DMKN: variants seen among roughly 807,000 people sequenced by gnomAD.
DMKN encodes the protein epidermis-specific secreted protein SK30/SK89.
In DMKN, 58 loss-of-function variants were observed where a neutral mutation model predicts 67.6. That is an observed-to-expected ratio of 0.86 (90% CI 0.69 to 1.07). DMKN has a LOEUF of 1.07. Among genes scored for constraint, DMKN ranks in the 50% least tolerant of loss-of-function variants. DMKN has a pLI of 0.00. For synonymous variants in DMKN, 240 were observed against 232.3 expected (o/e 1.03, Z -0.30); for missense variants, 596 against 601.5 (o/e 0.99, Z 0.10).
At position 35,509,787 on chromosome 19, in the gene DMKN, C is replaced by A. The variant is rs574186843; in HGVS notation, c.1038+124G>T. On this transcript the variant is annotated intron_variant, in intron 7 of 15. Coordinates refer to ENST00000339686, the MANE Select transcript of DMKN (RefSeq NM_033317.5). ...TAGGAGTGCATTTGGTTTCTTCTGC[C>A]GAAATAGTCAGTTCCCTGCAGACAA... 4.7e-5 allele frequency: 55 copies of A among 1,171,028 alleles called. No homozygotes were observed. The African/African-American group carries it at 8.2e-4, about 17-fold the overall frequency. 72.5% of individuals were successfully genotyped at this position (1,171,028 alleles called of 1,614,324 possible). A position where few individuals can be genotyped will look rare whatever the true frequency, so the allele number is the denominator to read the frequency against.
chr19:35,513,539 C>G lies in DMKN; in HGVS notation c.-64G>C. On this transcript the variant is annotated 5_prime_UTR_variant, in exon 1 of 16. Coordinates refer to ENST00000339686, the MANE Select transcript of DMKN (RefSeq NM_033317.5). ...CCACCAGGGTCTCCTCCTTGCCGCCCTTGCTCTGCGTCTCTGTGCCCTCCT... is the reference window on the plus strand; with the variant it reads ...CCACCAGGGTCTCCTCCTTGCCGCCGTTGCTCTGCGTCTCTGTGCCCTCCT... The G allele has an allele frequency of 6.5e-7, 1 of 1,531,134 alleles. No individual in the cohort carries two copies. The highest frequency in any genetic ancestry group is 8.7e-7 in the Non-Finnish European group (1 of 1,150,258). 94.8% of individuals were successfully genotyped at this position (1,531,134 alleles called of 1,614,324 possible). A position where few individuals can be genotyped will look rare whatever the true frequency, so the allele number is the denominator to read the frequency against.
intron 7 of DMKN, chr19:35,507,386 T>G: frequency 6.9e-7 from 1 of 1,451,626 alleles, no homozygotes; most frequent in Non-Finnish European, 9.4e-7. Flanking sequence ...TATTTTTGTT[T>G]CTTTTCCCAG....
chr19:35,506,047 G>T, intron 7 of DMKN, 61 bp from the exon 8 acceptor site: 1 of 1,613,206 alleles, frequency 6.2e-7, no homozygotes, highest in South Asian at 1.1e-5. Flanking sequence ...AGAGTCGGGA[G>T]ATCTGAGTGG....
intron 7 of DMKN, chr19:35,507,297 A>C (rs2069748733): frequency 1.7e-6 from 1 of 576,730 alleles, no homozygotes; most frequent in East Asian, 3.0e-5. Context: ...AAAGATGGAG[A>C]TGGGGATCCC....
intron 13 of DMKN, chr19:35,499,125 C>T (rs998978430): frequency 1.9e-5 from 12 of 638,734 alleles, no homozygotes; most frequent in East Asian, 1.4e-4. Flanking sequence ...TTCCTGGGCA[C>T]GTACTGACCA....
chr19:35,504,146 G>A (rs891231631), intron 9 of DMKN, among the ~76,000 whole-genome samples: 3 of 152,040 alleles, frequency 2.0e-5, no homozygotes, highest in East Asian at 1.9e-4. Context: ...CTCGACTGCC[G>A]CCCTAGATGG....
At chr19:35,501,759 C>G (rs1010103163) in intron 11 of DMKN, 3 of 1,470,466 alleles carry the variant, frequency 2.0e-6, no homozygotes, top group African/African-American at 2.8e-5. Flanking sequence ...CCCCATGCCG[C>G]AGCCTAGGCC....
intron 5 of DMKN, among the ~76,000 whole-genome samples, 160 bp downstream of exon 5, chr19:35,511,251 G>A (rs891767770): frequency 1.4e-4 from 22 of 152,182 alleles, no homozygotes; most frequent in African/African-American, 5.3e-4. Flanking sequence ...CACAGCATGG[G>A]TGGGGAACAG....
chr19:35,505,937 A>G lies in DMKN; in HGVS notation c.1086+2T>C. On this transcript the variant is annotated splice_donor_variant, in intron 8 of 15. Transcript: ENST00000339686. LOFTEE classifies it high-confidence loss of function. ...TGAACAGAGCCATCTCGCAGAACTC[A>G]CCTTCCAGAAAGTGTCAAAGTTAAA... is the stretch of plus-strand genomic sequence containing the variant. The G allele has an allele frequency of 6.2e-7, 1 of 1,614,208 alleles. No individual in the cohort carries two copies. The highest frequency in any genetic ancestry group is 1.1e-5 in the South Asian group (1 of 91,086).
intron 7 of DMKN, chr19:35,506,259 C>T (rs995158280): frequency 9.9e-6 from 14 of 1,419,666 alleles, no homozygotes; most frequent in South Asian, 1.5e-5. Flanking sequence ...CAACCTGCCC[C>T]GGATTGCTTC....
At chr19:35,508,111 G>T in intron 7 of DMKN, 1 of 1,487,550 alleles carries the variant, frequency 6.7e-7, no homozygotes, top group Non-Finnish European at 9.2e-7. Context: ...AGGGATGTGG[G>T]ACCACCTGTC....
At chr19:35,510,618 T>G (rs2070581347) in intron 5 of DMKN, 1 of 1,422,766 alleles carries the variant, frequency 7.0e-7, no homozygotes. Flanking sequence ...GTAGCTGCCT[T>G]GGTCACCATT....
intron 3 of DMKN, among the ~76,000 whole-genome samples, chr19:35,512,087 T>C (rs1198411118): frequency 6.9e-6 from 1 of 144,740 alleles, no homozygotes. Context: ...AACCTCCATC[T>C]CCCAGGTTCA....
chr19:35,511,485 TGCTGCC>T lies in DMKN; in HGVS notation c.838_843del (p.Gly280_Ser281del), dbSNP rs778529746. ...CTGCTGCCACCACTGCTGCCGCCAC[TGCTGCC>T]GCCACTGCTGCTGCCACTGCTGCTG... On this transcript the variant is annotated inframe_deletion, in exon 5 of 16. Transcript: ENST00000339686. 6.6e-3 allele frequency: 7,333 copies of T among 1,107,406 alleles called. 225 individuals are homozygous for T. The African/African-American group carries it at 0.11, about 16-fold the overall frequency. 68.6% of individuals were successfully genotyped at this position (1,107,406 alleles called of 1,614,324 possible).
Position 35,498,893 on chromosome 19 carries a change from C to A in DMKN, c.1364G>T (p.Gly455Val). ...KYSVKTPAKG[G>V]VSPSSSASRV... Reference sequence around the variant, plus strand: ...ACTCACCGAGGAAGAAGGTGAGACTCCCCCCTGCAAAAAGATCAAAGGAAA... The same window carrying A: ...ACTCACCGAGGAAGAAGGTGAGACTACCCCCTGCAAAAAGATCAAAGGAAA... The change falls in exon 14 of 16, where the codon GGA becomes GTA. Residue 455 changes from glycine to valine, a missense_variant. Coordinates refer to ENST00000339686, the MANE Select transcript of DMKN (RefSeq NM_033317.5). 2 of 1,614,106 alleles carry A rather than the reference C, an allele frequency of 1.2e-6. No homozygotes were observed. The highest frequency in any genetic ancestry group is 1.7e-6 in the Non-Finnish European group (2 of 1,180,000).
chr19:35,505,146 C>A (rs2069206624), intron 9 of DMKN, among the ~76,000 whole-genome samples: 1 of 152,112 alleles, frequency 6.6e-6, no homozygotes, highest in African/African-American at 2.4e-5. Context: ...TCCACTCCAG[C>A]CCCCTCTACT....
At chr19:35,501,454 ATGCATGAC>A (rs1195149523) in intron 11 of DMKN, among the ~76,000 whole-genome samples, 1 of 152,208 alleles carries the variant, frequency 6.6e-6, no homozygotes, top group Admixed American at 6.5e-5. Flanking sequence ...TCACACATGC[ATGCATGAC>A]TGCACTTAGC....
chr19:35,501,641 G>T (rs1296264958), intron 11 of DMKN, among the ~76,000 whole-genome samples: 1 of 152,148 alleles, frequency 6.6e-6, no homozygotes, highest in African/African-American at 2.4e-5. Flanking sequence ...CCGCCCAGAG[G>T]TTCTCCCCAT....
chr19:35,501,981 C>T (rs888845484), intron 11 of DMKN, 155 bp downstream of exon 11: 55 of 1,543,590 alleles, frequency 3.6e-5, no homozygotes, highest in South Asian at 1.1e-4. Context: ...CAGTGACTCA[C>T]GGCTTCTCCC....
Sources: gnomAD v4.1 joint callset for allele counts (sites outside exome capture counted in the v4.1 genomes callset) on GRCh38, gnomAD v4.1.1 for gene constraint, MANE v1.5 for transcripts, NCBI Gene and HGNC (gene_info 2026-07-23, HGNC 2026-07-21) for gene names.